Variants in GPC5 observed in about 807,000 individuals in gnomAD.
GPC5 encodes glypican 5, also known as glypican-5.
GPC5 carries 47 observed loss-of-function variants against 53.9 expected under a neutral mutation model. The ratio of observed to expected loss-of-function variants is 0.87; its 90% confidence interval spans 0.69 to 1.11. The LOEUF (loss-of-function observed/expected upper bound fraction) is 1.11, where lower values mean the gene tolerates loss of function less well. Ranked by LOEUF, GPC5 falls within the 50% of genes most tolerant of loss-of-function variation. The probability of loss-of-function intolerance (pLI) is 0.00; values close to 1 mark genes in which losing one functional copy is unlikely to be tolerated. For synonymous variants in GPC5, 286 were observed against 263.3 expected (o/e 1.09, Z -0.84); for missense variants, 748 against 713.1 (o/e 1.05, Z -0.56).
intron 6 of GPC5, among the ~76,000 whole-genome samples, chr13:91,912,994 G>A (rs1372495871): frequency 6.6e-6 from 1 of 152,092 alleles, no homozygotes; most frequent in East Asian, 1.9e-4. Flanking sequence ...ACATCATTGG[G>A]CTCTCTAGAG....
At chr13:92,569,928 T>A (rs983571565) in intron 7 of GPC5, among the ~76,000 whole-genome samples, 31 of 152,298 alleles carry the variant, frequency 2.0e-4, no homozygotes, top group African/African-American at 6.0e-4. Flanking sequence ...CTCTTTATGG[T>A]CAAATGCAGA....
At chr13:92,130,043 A>G (rs2041730411) in intron 6 of GPC5, among the ~76,000 whole-genome samples, 1 of 152,136 alleles carries the variant, frequency 6.6e-6, no homozygotes. Flanking sequence ...GAACTAAAAC[A>G]AAAGCCTCAA....
At chr13:91,674,582 TATGTGTATATATACGCATATATATGC>T (rs1284889077) in intron 2 of GPC5, among the ~76,000 whole-genome samples, 11 of 148,074 alleles carry the variant, frequency 7.4e-5, no homozygotes, top group African/African-American at 2.5e-4. Context: ...TATATATGCG[TATGTGTATATATACGCATATATATGC>T]GTATGTGTAT....
At chr13:92,843,587 C>A (rs368350386) in intron 7 of GPC5, among the ~76,000 whole-genome samples, 6 of 152,192 alleles carry the variant, frequency 3.9e-5, no homozygotes, top group South Asian at 2.1e-4. Flanking sequence ...TAGCTCACAC[C>A]TGAAGGGTTA....
At chr13:92,645,790 AT>A (rs1291013827) in intron 7 of GPC5, among the ~76,000 whole-genome samples, 1 of 151,312 alleles carries the variant, frequency 6.6e-6, no homozygotes, top group African/African-American at 2.5e-5. Flanking sequence ...AATTTTGATC[AT>A]TTTTTTATTT....
At chr13:91,776,696 C>T (rs919710211) in intron 5 of GPC5, among the ~76,000 whole-genome samples, 6 of 152,126 alleles carry the variant, frequency 3.9e-5, no homozygotes, top group Non-Finnish European at 8.8e-5. Context: ...ATTACCTGTG[C>T]CTGTGATGAG....
At chr13:91,937,567 A>G (rs1010423477) in intron 6 of GPC5, among the ~76,000 whole-genome samples, 3 of 152,070 alleles carry the variant, frequency 2.0e-5, no homozygotes, top group Admixed American at 6.6e-5. Context: ...AAGCTTGCAG[A>G]TACTGTTTTC....
intron 7 of GPC5, among the ~76,000 whole-genome samples, chr13:92,790,190 A>T (rs933854995): frequency 2.0e-5 from 3 of 152,094 alleles, no homozygotes; most frequent in Non-Finnish European, 4.4e-5. Flanking sequence ...TCCTTTGGCA[A>T]CACCCTCACA....
At chr13:92,100,998 C>T (rs998803638) in intron 6 of GPC5, among the ~76,000 whole-genome samples, 5 of 152,066 alleles carry the variant, frequency 3.3e-5, no homozygotes, top group African/African-American at 1.2e-4. Context: ...ATATCTATCC[C>T]CTAGAGATTC....
intron 6 of GPC5, among the ~76,000 whole-genome samples, chr13:91,975,419 T>G (rs1218783630): frequency 6.6e-6 from 1 of 151,582 alleles, no homozygotes; most frequent in African/African-American, 2.4e-5. Flanking sequence ...CAAACAAATT[T>G]ACAAGAAAAA....
chr13:91,433,983 G>C (rs1327803658), intron 1 of GPC5, among the ~76,000 whole-genome samples: 2 of 152,236 alleles, frequency 1.3e-5, no homozygotes, highest in East Asian at 3.9e-4. Flanking sequence ...GTGTCTTTTG[G>C]CTGCATAAAT....
At chr13:92,082,600 C>T (rs956184498) in intron 6 of GPC5, among the ~76,000 whole-genome samples, 1 of 152,126 alleles carries the variant, frequency 6.6e-6, no homozygotes, top group Non-Finnish European at 1.5e-5. Context: ...AAATATATTG[C>T]TCACAATTTT....
intron 6 of GPC5, among the ~76,000 whole-genome samples, chr13:92,120,017 G>C (rs562888691): frequency 6.6e-6 from 1 of 152,084 alleles, no homozygotes; most frequent in Non-Finnish European, 1.5e-5. Flanking sequence ...CTGCATATGA[G>C]AAGAGGGTTT....
intron 7 of GPC5, among the ~76,000 whole-genome samples, chr13:92,286,772 G>C (rs761261040): frequency 2.6e-5 from 4 of 151,650 alleles, no homozygotes; most frequent in Non-Finnish European, 5.9e-5. Flanking sequence ...CAGTAGGAGA[G>C]ATACCTAATG....
chr13:91,887,373 G>A (rs930550464), intron 5 of GPC5, among the ~76,000 whole-genome samples: 12 of 152,144 alleles, frequency 7.9e-5, no homozygotes, highest in African/African-American at 2.4e-4. Context: ...CTTTTGAGCC[G>A]GTGATGGAAA....
chr13:91,855,370 C>T (rs2038956467), intron 5 of GPC5, among the ~76,000 whole-genome samples: 2 of 151,560 alleles, frequency 1.3e-5, no homozygotes, highest in Admixed American at 6.6e-5. Flanking sequence ...TGTATACTTT[C>T]CCCCAGCCAT....
intron 3 of GPC5, among the ~76,000 whole-genome samples, chr13:91,711,078 T>C (rs992094005): frequency 3.3e-5 from 5 of 152,140 alleles, no homozygotes; most frequent in Admixed American, 3.3e-4. Flanking sequence ...AGAAATACCA[T>C]TTGACCCAGC....
chr13:92,398,168 G>A (rs1875373131), intron 7 of GPC5, among the ~76,000 whole-genome samples: 2 of 151,822 alleles, frequency 1.3e-5, no homozygotes, highest in African/African-American at 4.8e-5. Context: ...TCCACTCCAC[G>A]CCTGTAATCC....
chr13:91,480,005 A>G (rs1883214460), intron 2 of GPC5, among the ~76,000 whole-genome samples: 1 of 152,244 alleles, frequency 6.6e-6, no homozygotes, highest in Admixed American at 6.5e-5. Flanking sequence ...TGCTCTAATT[A>G]CTGTTTAAAT....
Sources: gnomAD v4.1 joint callset for allele counts (sites outside exome capture counted in the v4.1 genomes callset) on GRCh38, gnomAD v4.1.1 for gene constraint, MANE v1.5 for transcripts, NCBI Gene and HGNC (gene_info 2026-07-23, HGNC 2026-07-21) for gene names.